The following SLC22A2 variants were observed in gnomAD, a reference collection of about 807,000 sequenced individuals.
The protein encoded by SLC22A2 is organic cation transporter 2.
A neutral mutation model predicts 60.5 loss-of-function variants in SLC22A2; 46 were observed. The ratio of observed to expected loss-of-function variants is 0.76; its 90% CI spans 0.60 to 0.97. The LOEUF (loss-of-function observed/expected upper bound fraction) is 0.97, where lower values mean the gene tolerates loss of function less well. Among genes scored for constraint, SLC22A2 ranks in the 50% least tolerant of loss-of-function variants. The pLI is 0.00. For missense variants in SLC22A2, 701 were observed against 706.6 expected (o/e 0.99, Z 0.09); for synonymous variants, 303 against 267.0 (o/e 1.13, Z -1.31).
At chr6:160,249,153 G>T in intron 4 of SLC22A2, 63 bp downstream of exon 4, 1 of 1,178,444 alleles carries the variant, frequency 8.5e-7, no homozygotes, top group Non-Finnish European at 1.2e-6. Context: ...CATTAAGGAA[G>T]GCAGACTTCT....
intron 9 of SLC22A2, among the ~76,000 whole-genome samples, chr6:160,232,780 AT>A (rs1562432855): frequency 1.3e-5 from 2 of 151,862 alleles, no homozygotes; most frequent in African/African-American, 4.9e-5. Context: ...AGCAGCTAGC[AT>A]TCCAACTTCT....
Position 160,250,586 on chromosome 6 carries a change from A to C in SLC22A2, c.635T>G (p.Leu212Arg). The C allele has an allele frequency of 6.2e-7, 1 of 1,614,108 alleles. No homozygotes were observed. Among genetic ancestry groups the C allele is most frequent in the Non-Finnish European group, 8.5e-7 (1 of 1,179,976 alleles). Residue 212 changes from leucine to arginine, a missense_variant, in exon 3 of 11, where the codon CTG (leucine) becomes CGG (arginine). By Grantham distance (102) the Leu-to-Arg change is moderately radical. Coordinates refer to ENST00000366953, the MANE Select transcript of SLC22A2 (RefSeq NM_003058.4). ...WMLIFRLIQG[L>R]VSKAGWLIGY... Reference sequence around the variant, plus strand: ...TATTAACCAGCCTGCTTTGCTGACCAGTCCTTGGATTAAGCGAAAAATTAA... The same window carrying C: ...TATTAACCAGCCTGCTTTGCTGACCCGTCCTTGGATTAAGCGAAAAATTAA...
At chr6:160,236,017 A>C (rs1331365021) in intron 9 of SLC22A2, among the ~76,000 whole-genome samples, 1 of 152,196 alleles carries the variant, frequency 6.6e-6, no homozygotes, top group Non-Finnish European at 1.5e-5. Flanking sequence ...GCTATGTTAA[A>C]TTAATGTGTG....
chr6:160,253,511 T>G (rs1242605273), intron 2 of SLC22A2, among the ~76,000 whole-genome samples: 1 of 152,162 alleles, frequency 6.6e-6, no homozygotes, highest in Non-Finnish European at 1.5e-5. Flanking sequence ...CAGTTTGGTC[T>G]GGTGTCCAAG....
At chr6:160,226,422 A>G (rs532634885) in intron 9 of SLC22A2, among the ~76,000 whole-genome samples, 4 of 152,338 alleles carry the variant, frequency 2.6e-5, no homozygotes, top group Admixed American at 6.5e-5. Context: ...TTGACTGTCT[A>G]GGCAGCAGGC....
chr6:160,222,720 C>T (rs1458913276), intron 10 of SLC22A2, among the ~76,000 whole-genome samples: 1 of 152,150 alleles, frequency 6.6e-6, no homozygotes, highest in Non-Finnish European at 1.5e-5. Context: ...ATACAATGTA[C>T]CAAAGACAAT....
chr6:160,258,583 G>C lies in SLC22A2; in HGVS notation c.175C>G (p.Leu59Val), dbSNP rs1783319053. Residue 59 changes from leucine (L) to valine (V), a missense_variant, in exon 1 of 11, where the codon CTG becomes GTG. Leu to Val is a conservative substitution (Grantham distance 32). Coordinates refer to ENST00000366953, the MANE Select transcript of SLC22A2 (RefSeq NM_003058.4). ...HRCRSPGVAE[L>V]SLRCGWSPAE... ...GGACTCCAGCCGCAGCGCAGACTCA[G>C]CTCGGCCACTCCGGGGCTCCGGCAG... 1 of 1,613,794 alleles carries C rather than the reference G, an allele frequency of 6.2e-7. No homozygotes were observed. Among genetic ancestry groups the C allele is most frequent in the Admixed American group, 1.7e-5 (1 of 59,994 alleles).
At chr6:160,219,105 A>T (rs62650394) in intron 10 of SLC22A2, among the ~76,000 whole-genome samples, 12 of 188 alleles carry the variant, frequency 0.064, no homozygotes, top group Admixed American at 0.083. Flanking sequence ...ACAGCAACAG[A>T]AGCAATAACA....
At chr6:160,231,585 C>A (rs1443633080) in intron 9 of SLC22A2, among the ~76,000 whole-genome samples, 1 of 151,870 alleles carries the variant, frequency 6.6e-6, no homozygotes, top group Non-Finnish European at 1.5e-5. Context: ...ACAATACCCC[C>A]ATCTTACCTG....
Position 160,216,757 on chromosome 6 carries a change from G to C in SLC22A2, c.*675C>G, listed in dbSNP as rs1420553645. ...CCAGACTAAAAAATGATCATCAATG[G>C]TTTTATAATGCTAACATTTTTTATT... On this transcript the variant is annotated 3_prime_UTR_variant, in exon 11 of 11. Coordinates refer to ENST00000366953, the MANE Select transcript of SLC22A2 (RefSeq NM_003058.4). 1 of 151,974 alleles carries C rather than the reference G, an allele frequency of 6.6e-6. No homozygotes were observed. The highest frequency in any genetic ancestry group is 1.5e-5 in the Non-Finnish European group (1 of 68,000). 9.4% of individuals were successfully genotyped at this position (151,974 alleles called of 1,614,324 possible). A position where few individuals can be genotyped will look rare whatever the true frequency, so the allele number is the denominator to read the frequency against.
chr6:160,258,553 C>T lies in SLC22A2; in HGVS notation c.205G>A (p.Glu69Lys). 1 of 1,613,928 alleles carries T rather than the reference C, an allele frequency of 6.2e-7. No homozygotes were observed. Among genetic ancestry groups the T allele is most frequent in the East Asian group, 2.2e-5 (1 of 44,880 alleles). ...LSLRCGWSPAEELNYTVPGPG... is the reference protein window; with the variant it reads ...LSLRCGWSPAKELNYTVPGPG... ...CCCGGCACCGTGTAGTTCAGTTCCTCTGCAGGACTCCAGCCGCAGCGCAGA... is the reference window on the plus strand; with the variant it reads ...CCCGGCACCGTGTAGTTCAGTTCCTTTGCAGGACTCCAGCCGCAGCGCAGA... The change falls in exon 1 of 11, where the codon GAG (glutamate) becomes AAG (lysine). Residue 69 changes from glutamate to lysine, a missense_variant. Transcript: ENST00000366953.
At chr6:160,256,136 C>T (rs1050313434) in intron 2 of SLC22A2, among the ~76,000 whole-genome samples, 1 of 151,968 alleles carries the variant, frequency 6.6e-6, no homozygotes, top group Non-Finnish European at 1.5e-5. Context: ...CCCCAGGAAC[C>T]CAATTCAGGA....
chr6:160,249,422 C>T lies in SLC22A2; in HGVS notation c.674-38G>A, dbSNP rs183057014. The T allele has an allele frequency of 1.2e-5, 18 of 1,547,148 alleles. No individual in the cohort carries two copies. The East Asian group carries it at 4.1e-4, about 35-fold the overall frequency. The stretch of plus-strand genomic sequence containing the variant: ...TTTGAATGGTTAATGCAATTCAATA[C>T]AATAATGAGTTGGCTGTCCAGCTAT... On this transcript the variant is annotated intron_variant, in intron 3 of 10. Transcript: ENST00000366953.
rs893408492 is a variant in SLC22A2, at chr6:160,258,538, T to C, written c.220A>G (p.Thr74Ala). Residue 74 changes from threonine (T) to alanine (A), a missense_variant, in exon 1 of 11, where the codon ACG (threonine) becomes GCG (alanine). Physicochemically the swap from Thr to Ala is moderately conservative, Grantham distance 58. Coordinates refer to ENST00000366953, the MANE Select transcript of SLC22A2 (RefSeq NM_003058.4). ...CCCGCAGGTCCTGGGCCCGGCACCG[T>C]GTAGTTCAGTTCCTCTGCAGGACTC... is the stretch of plus-strand genomic sequence containing the variant. ...GWSPAEELNY[T>A]VPGPGPAGEA... 1.9e-6 allele frequency: 3 copies of C among 1,614,026 alleles called. No individual in the cohort carries two copies. Among genetic ancestry groups the C allele is most frequent in the Admixed American group, 1.7e-5 (1 of 60,018 alleles).
intron 5 of SLC22A2, among the ~76,000 whole-genome samples, chr6:160,245,922 C>T (rs951273429): frequency 2.1e-5 from 3 of 143,412 alleles, no homozygotes; most frequent in Admixed American, 7.3e-5. Context: ...GGCTGGAGTG[C>T]AGTGGCACGA....
At chr6:160,246,461 T>C (rs1401054960) in intron 5 of SLC22A2, among the ~76,000 whole-genome samples, 1 of 152,104 alleles carries the variant, frequency 6.6e-6, no homozygotes, top group Non-Finnish European at 1.5e-5. Context: ...CTTAAAAGCT[T>C]TTCAGCCTGG....
intron 10 of SLC22A2, 39 bp from the exon 11 acceptor site, chr6:160,217,537 T>C (rs752456061): frequency 8.6e-7 from 1 of 1,161,586 alleles, no homozygotes; most frequent in Non-Finnish European, 1.3e-6. Flanking sequence ...GAGAAAGAAA[T>C]TATGAGGAGG....
At chr6:160,225,254 C>T (rs1782704985) in intron 9 of SLC22A2, among the ~76,000 whole-genome samples, 2 of 152,094 alleles carry the variant, frequency 1.3e-5, no homozygotes, top group Admixed American at 6.6e-5. Flanking sequence ...AAAGTATAGC[C>T]AGGATTTTAG....
At chr6:160,245,622 T>C in intron 5 of SLC22A2, 77 bp from the exon 6 acceptor site, 1 of 796,104 alleles carries the variant, frequency 1.3e-6, no homozygotes, top group Non-Finnish European at 1.9e-6. Flanking sequence ...ATAACAATAA[T>C]TTCTTACCGT....
Sources: allele counts gnomAD v4.1 joint callset (sites outside exome capture counted in the v4.1 genomes callset), GRCh38; gene constraint gnomAD v4.1.1; transcripts MANE v1.5; gene names NCBI Gene and HGNC (gene_info 2026-07-23, HGNC 2026-07-21).